Variants in PJA2 observed in about 807,000 individuals in gnomAD.
PJA2 encodes praja ring finger ubiquitin ligase 2.
In PJA2, 25 loss-of-function variants were observed where a neutral mutation model predicts 69.3. That is an observed-to-expected ratio of 0.36 (90% CI 0.26 to 0.50). The LOEUF (loss-of-function observed/expected upper bound fraction) is 0.50. Ranked by LOEUF, PJA2 falls within the 20% of genes least tolerant of loss-of-function variation. The pLI is 0.96. For synonymous variants in PJA2, 308 were observed against 277.8 expected, an observed-to-expected ratio of 1.11 and a Z score of -1.08; for missense variants, 809 against 830.2, an observed-to-expected ratio of 0.97 and a Z score of 0.31.
intron 9 of PJA2, among the ~76,000 whole-genome samples, chr5:109,342,365 G>A (rs1415183785): frequency 1.6e-5 from 2 of 122,916 alleles, no homozygotes; most frequent in African/African-American, 3.2e-5. Context: ...CGCCCCGTCC[G>A]GGAGGGAGGT....
chr5:109,352,806 T>C (rs1561344171), intron 7 of PJA2, among the ~76,000 whole-genome samples: 2 of 151,108 alleles, frequency 1.3e-5, no homozygotes, highest in Admixed American at 1.3e-4. Flanking sequence ...GATATGTATA[T>C]ATTAGATATC....
Position 109,362,878 on chromosome 5 carries a change from A to G in PJA2, c.1614T>C (p.Asp538=). 1 of 1,612,988 alleles carries G rather than the reference A, an allele frequency of 6.2e-7. No homozygotes were observed. Among genetic ancestry groups the G allele is most frequent in the Non-Finnish European group, 8.5e-7 (1 of 1,179,218 alleles). Residue 538 remains aspartate (D), a synonymous_variant, in exon 6 of 10, where the codon GAT becomes GAC. Transcript: ENST00000361189. ...CTAAGTCTTCACTCACACTGGAGTC[A>G]TCCTCCAGGTTATTGTTACCATCCA... ...FMLDGNNNLE[D]DSSVSEDLDV...
chr5:109,385,434 A>C (rs1429599945), intron 1 of PJA2, among the ~76,000 whole-genome samples: 2 of 152,258 alleles, frequency 1.3e-5, no homozygotes, highest in African/African-American at 4.8e-5. Flanking sequence ...CAGGCTGGGC[A>C]ATGGGAAAAA....
intron 3 of PJA2, among the ~76,000 whole-genome samples, chr5:109,380,386 T>C (rs1335730124): frequency 6.6e-6 from 1 of 152,186 alleles, no homozygotes; most frequent in Non-Finnish European, 1.5e-5. Flanking sequence ...CATGGATAGC[T>C]GCAAAATACT....
intron 1 of PJA2, among the ~76,000 whole-genome samples, chr5:109,394,240 G>A (rs576018732): frequency 5.3e-5 from 8 of 151,858 alleles, no homozygotes; most frequent in Middle Eastern, 3.4e-3. Context: ...TAGAGATGGG[G>A]TTTCACCATG....
intron 7 of PJA2, among the ~76,000 whole-genome samples, chr5:109,345,356 CAAA>C (rs564326349): frequency 1.7e-5 from 2 of 115,796 alleles, no homozygotes; most frequent in African/African-American, 3.2e-5. Flanking sequence ...AACTCCATCT[CAAA>C]AAAAAAAAAA....
chr5:109,338,147 G>A (rs1267456488), intron 9 of PJA2, among the ~76,000 whole-genome samples: 1 of 152,114 alleles, frequency 6.6e-6, no homozygotes, highest in Non-Finnish European at 1.5e-5. Context: ...CTGCTGGAAG[G>A]GAGGCTGAAG....
chr5:109,371,002 G>A (rs970009019), intron 4 of PJA2, among the ~76,000 whole-genome samples: 1 of 152,162 alleles, frequency 6.6e-6, no homozygotes, highest in African/African-American at 2.4e-5. Context: ...CCTATGTTAT[G>A]GATTGGCAAA....
rs1299956477 is a variant in PJA2 at position 109,336,232 on chromosome 5, GAACT to G, written c.*995_*998del. 3 of 152,116 alleles carry G rather than the reference GAACT, an allele frequency of 2.0e-5. No homozygotes were observed. The highest frequency in any genetic ancestry group is 7.2e-5 in the African/African-American group (3 of 41,422). The allele number at this position is 152,116 out of a possible 1,614,324, so 9.4% of individuals were successfully genotyped here. On this transcript the variant is annotated 3_prime_UTR_variant, in exon 10 of 10. Transcript: ENST00000361189. ...TTAACATCAAATCACATTTGTAAGT[GAACT>G]ATTATGTCCATGTTTGCACATACTC... is the stretch of plus-strand genomic sequence containing the variant.
intron 6 of PJA2, among the ~76,000 whole-genome samples, chr5:109,361,791 A>T (rs1440193009): frequency 2.0e-5 from 3 of 152,226 alleles, no homozygotes; most frequent in Admixed American, 2.0e-4. Context: ...CTTCCCCAAA[A>T]TGGTGATAAA....
intron 1 of PJA2, among the ~76,000 whole-genome samples, chr5:109,396,975 T>C (rs1448048708): frequency 6.6e-6 from 1 of 152,220 alleles, no homozygotes; most frequent in East Asian, 1.9e-4. Context: ...TCCAAAATTC[T>C]TAATCCACAT....
At position 109,378,925 on chromosome 5, in the gene PJA2, C is replaced by T. The variant is rs772357045; in HGVS notation, c.562G>A (p.Val188Met). The T allele has an allele frequency of 1.5e-5, 24 of 1,614,052 alleles. No homozygotes were observed. The highest frequency in any genetic ancestry group is 1.6e-4 in the Middle Eastern group (1 of 6,084). Residue 188 changes from valine (V) to methionine (M), a missense_variant, in exon 4 of 10, where the codon GTG (valine) becomes ATG (methionine). By Grantham distance (21) the Val-to-Met change is conservative. Around this residue, in one of 4 missense-constraint regions of PJA2, gnomAD observed 700 missense variants for 639.5 expected, o/e 1.09. Coordinates refer to ENST00000361189, the MANE Select transcript of PJA2 (RefSeq NM_014819.5). The part of the protein sequence containing the change: ...NDHLQLSAEV[V>M]EGSRYQESLG... The stretch of plus-strand genomic sequence containing the variant: ...GATTCCTGGTATCTACTACCTTCCA[C>T]GACTTCTGCAGAAAGTTGAAGATGG...
At chr5:109,388,520 A>G (rs1296150222) in intron 1 of PJA2, among the ~76,000 whole-genome samples, 5 of 152,160 alleles carry the variant, frequency 3.3e-5, no homozygotes, top group Non-Finnish European at 7.3e-5. Flanking sequence ...AACAAATACA[A>G]ACAATGTAAA....
Position 109,409,594 on chromosome 5 carries a change from C to A in PJA2, c.-88+248G>T, listed in dbSNP as rs1012253613. On this transcript the variant is annotated intron_variant, in intron 1 of 9. Coordinates refer to ENST00000361189, the MANE Select transcript of PJA2 (RefSeq NM_014819.5). ...ATGTCATCTGTCGGGGGGCGGCGGG[C>A]GCGACCGTCCCGGATAGGAGCGCGG... is the stretch of plus-strand genomic sequence containing the variant. Among the ~76,000 whole-genome samples the A allele has an allele frequency of 3.3e-5, 5 of 152,008 alleles. No homozygotes were observed. In the East Asian group the frequency reaches 9.7e-4, roughly 30 times the overall value.
chr5:109,408,307 T>G (rs995450518), intron 1 of PJA2, among the ~76,000 whole-genome samples: 1 of 152,194 alleles, frequency 6.6e-6, no homozygotes, highest in Non-Finnish European at 1.5e-5. Flanking sequence ...ATTAGAAAGT[T>G]ATTTTCATTA....
intron 1 of PJA2, among the ~76,000 whole-genome samples, chr5:109,391,023 G>A (rs190990558): frequency 5.3e-5 from 8 of 152,158 alleles, no homozygotes; most frequent in Middle Eastern, 3.4e-3. Flanking sequence ...ATGGGGTTAC[G>A]CCCTGACAAA....
At chr5:109,370,171 A>T (rs180701167) in intron 4 of PJA2, among the ~76,000 whole-genome samples, 5 of 152,290 alleles carry the variant, frequency 3.3e-5, no homozygotes, top group Admixed American at 2.6e-4. Context: ...TTACTTATCA[A>T]TGTTGAAAAT....
At chr5:109,388,289 A>T (rs1377656554) in intron 1 of PJA2, among the ~76,000 whole-genome samples, 2 of 152,174 alleles carry the variant, frequency 1.3e-5, no homozygotes, top group Non-Finnish European at 2.9e-5. Flanking sequence ...AGCCACATGG[A>T]TGAGCAACCT....
chr5:109,380,600 G>C (rs1040796490), intron 3 of PJA2, among the ~76,000 whole-genome samples: 1 of 151,940 alleles, frequency 6.6e-6, no homozygotes, highest in African/African-American at 2.4e-5. Flanking sequence ...TTGAGGTCAG[G>C]AGTTCGAGAC....
Sources: gnomAD v4.1 joint callset for allele counts (sites outside exome capture counted in the v4.1 genomes callset) on GRCh38, gnomAD v4.1.1 for gene constraint, gnomAD v4.1.1 regional missense constraint, MANE v1.5 for transcripts, NCBI Gene and HGNC (gene_info 2026-07-23, HGNC 2026-07-21) for gene names.